The following SLIT2 variants were observed in gnomAD, a reference collection of about 807,000 sequenced individuals.
SLIT2 encodes the protein slit homolog 2 protein.
A neutral mutation model predicts 185.7 loss-of-function variants in SLIT2; 41 were observed. That is an observed-to-expected ratio of 0.22 (90% CI 0.17 to 0.29). The LOEUF (loss-of-function observed/expected upper bound fraction) is 0.29. SLIT2 is among the 10% of genes least tolerant of loss of function. The probability of loss-of-function intolerance (pLI) is 1.00; values close to 1 mark genes in which losing one functional copy is unlikely to be tolerated. For synonymous variants in SLIT2, 693 were observed against 680.2 expected (o/e 1.02, Z -0.29); for missense variants, 1,571 against 1,909.0 (o/e 0.82, Z 3.30).
intron 3 of SLIT2, among the ~76,000 whole-genome samples, chr4:20,265,398 G>C (rs77579018): frequency 0.051 from 7,729 of 151,896 alleles, 323 homozygotes; most frequent in African/African-American, 0.12. Context: ...GGATGGAAGA[G>C]AGAATAGAAA....
intron 4 of SLIT2, among the ~76,000 whole-genome samples, chr4:20,463,489 A>ATATATATATATATATATG (rs1713979391): frequency 1.0e-5 from 1 of 100,022 alleles, no homozygotes; most frequent in African/African-American, 4.4e-5. Flanking sequence ...ATATATATAT[A>ATATATATATATATATATG]TATGTGTGTG....
intron 4 of SLIT2, among the ~76,000 whole-genome samples, chr4:20,463,575 G>C (rs987641623): frequency 7.1e-6 from 1 of 140,992 alleles, no homozygotes; most frequent in African/African-American, 2.6e-5. Flanking sequence ...TCTCCAACTA[G>C]ATTTAAAAAA....
chr4:20,367,764 G>A (rs943990166), intron 4 of SLIT2, among the ~76,000 whole-genome samples: 1 of 152,080 alleles, frequency 6.6e-6, no homozygotes, highest in African/African-American at 2.4e-5. Flanking sequence ...GGTGAGGAGA[G>A]AATGGGCTTT....
intron 4 of SLIT2, among the ~76,000 whole-genome samples, chr4:20,306,359 C>G (rs1231841254): frequency 4.6e-5 from 7 of 152,142 alleles, no homozygotes; most frequent in Admixed American, 3.3e-4. Flanking sequence ...ATATTAATAT[C>G]AAATGAAACC....
At position 20,281,437 on chromosome 4, in the gene SLIT2, T is replaced by C. The variant is rs184810157; in HGVS notation, c.395+12556T>C. Among the ~76,000 whole-genome samples, 27 of 152,330 alleles carry C rather than the reference T, an allele frequency of 1.8e-4. No individual in the cohort carries two copies. In the East Asian group the frequency reaches 4.0e-3, roughly 23 times the overall value. On this transcript the variant is annotated intron_variant, in intron 4 of 36. Transcript: ENST00000504154. Reference sequence around the variant, plus strand: ...TCTGTAATTCTCCCTAGGAAATGCATTGTGCACCCGGGACAATTCATTTTC... The same window carrying C: ...TCTGTAATTCTCCCTAGGAAATGCACTGTGCACCCGGGACAATTCATTTTC...
At chr4:20,533,411 T>A (rs1376012091) in intron 17 of SLIT2, 161 bp from the exon 18 acceptor site, 2 of 618,198 alleles carry the variant, frequency 3.2e-6, no homozygotes, top group African/African-American at 3.7e-5. Context: ...TGTCCCTTTG[T>A]CTTGATGGTG....
chr4:20,500,445 T>C (rs921483746), intron 9 of SLIT2, among the ~76,000 whole-genome samples: 1 of 152,168 alleles, frequency 6.6e-6, no homozygotes, highest in African/African-American at 2.4e-5. Context: ...ACAAATTAGC[T>C]AGCCTACAAC....
rs552851809 is a variant in SLIT2 at position 20,251,996 on chromosome 4, AGGCGGCGGCGGC to A, written c.-1808_-1797del. Among the ~76,000 whole-genome samples the A allele has an allele frequency of 6.6e-6, 1 of 151,000 alleles. No individual in the cohort carries two copies. Among genetic ancestry groups the A allele is most frequent in the African/African-American group, 2.4e-5 (1 of 41,208 alleles). ...CCGCAGACTGTGGTTAAAAAAAAGAAGGCGGCGGCGGCGGCGGCGGCGGAGGCGGAGGCAGCT... is the reference window on the plus strand; with the variant it reads ...CCGCAGACTGTGGTTAAAAAAAAGAAGGCGGCGGCGGAGGCGGAGGCAGCT... On this transcript the variant is annotated 5_prime_UTR_variant, in exon 1 of 37. Transcript: ENST00000504154.
At chr4:20,299,779 C>T (rs1488110127) in intron 4 of SLIT2, among the ~76,000 whole-genome samples, 3 of 151,842 alleles carry the variant, frequency 2.0e-5, no homozygotes, top group African/African-American at 7.3e-5. Context: ...TGCAGTTGTC[C>T]ATTTGTCACG....
chr4:20,289,520 A>G (rs138025582), intron 4 of SLIT2, among the ~76,000 whole-genome samples: 191 of 152,342 alleles, frequency 1.3e-3, no homozygotes, highest in Non-Finnish European at 2.1e-3. Context: ...CATCCAAGAA[A>G]AAAACCCATG....
intron 10 of SLIT2, 150 bp downstream of exon 10, chr4:20,510,716 T>G: frequency 1.8e-6 from 1 of 568,824 alleles, no homozygotes; most frequent in Non-Finnish European, 3.1e-6. Context: ...TGTAATAATA[T>G]TTTAATCTTA....
chr4:20,393,372 A>G (rs1725596835), intron 4 of SLIT2: 1 of 152,062 alleles, frequency 6.6e-6, no homozygotes, highest in African/African-American at 2.4e-5. Context: ...TGGGAATGGG[A>G]TCTGGAGCCA....
Position 20,568,852 on chromosome 4 carries a change from C to T in SLIT2, c.2949-13C>T, listed in dbSNP as rs748989040. ...AAAAAGATGTTTTTTGCCTTTTCTCCTCTGGCATTCAGGTGTATTTGTGCT... is the reference window on the plus strand; with the variant it reads ...AAAAAGATGTTTTTTGCCTTTTCTCTTCTGGCATTCAGGTGTATTTGTGCT... On this transcript the variant is annotated splice_polypyrimidine_tract_variant and intron_variant, in intron 28 of 36. Transcript: ENST00000504154. 2 of 1,606,002 alleles carry T rather than the reference C, an allele frequency of 1.2e-6. No individual in the cohort carries two copies. Among genetic ancestry groups the T allele is most frequent in the South Asian group, 1.1e-5 (1 of 89,898 alleles).
chr4:20,518,577 A>G (rs1560495008), intron 11 of SLIT2, among the ~76,000 whole-genome samples: 3 of 22,252 alleles, frequency 1.3e-4, no homozygotes, highest in Non-Finnish European at 2.3e-4. Flanking sequence ...ATATATATAT[A>G]TATATATATA....
intron 26 of SLIT2, among the ~76,000 whole-genome samples, chr4:20,557,448 A>G (rs1012219040): frequency 1.3e-5 from 2 of 152,034 alleles, no homozygotes; most frequent in African/African-American, 2.4e-5. Flanking sequence ...ATGGAACAAC[A>G]GAGCCTAGAT....
At chr4:20,492,408 T>C (rs987339744) in intron 9 of SLIT2, among the ~76,000 whole-genome samples, 3 of 152,210 alleles carry the variant, frequency 2.0e-5, no homozygotes, top group African/African-American at 7.2e-5. Flanking sequence ...ATAGTGCATG[T>C]TTTAGCCTAT....
intron 3 of SLIT2, among the ~76,000 whole-genome samples, chr4:20,264,186 A>G (rs575275403): frequency 6.6e-6 from 1 of 152,058 alleles, no homozygotes; most frequent in African/African-American, 2.4e-5. Context: ...TTTTATTTAC[A>G]TAATACAAAA....
At chr4:20,295,995 A>G (rs1577386172) in intron 4 of SLIT2, among the ~76,000 whole-genome samples, 1 of 152,358 alleles carries the variant, frequency 6.6e-6, no homozygotes, top group African/African-American at 2.4e-5. Flanking sequence ...AAGTATATTC[A>G]ATCCAAGAAA....
intron 4 of SLIT2, among the ~76,000 whole-genome samples, chr4:20,335,130 G>T (rs1720389661): frequency 6.6e-6 from 1 of 152,084 alleles, no homozygotes; most frequent in Admixed American, 6.6e-5. Flanking sequence ...GAGGAATGGG[G>T]GTCCCTCCCA....
Sources: allele counts gnomAD v4.1 joint callset (sites outside exome capture counted in the v4.1 genomes callset), GRCh38; gene constraint gnomAD v4.1.1; transcripts MANE v1.5; gene names NCBI Gene and HGNC (gene_info 2026-07-23, HGNC 2026-07-21).